Variants in TRDN observed in about 807,000 individuals in gnomAD.
The protein encoded by TRDN is triadin.
A neutral mutation model predicts 149.7 loss-of-function variants in TRDN; 161 were observed. That is an observed-to-expected ratio of 1.08 (90% CI 0.95 to 1.23). The LOEUF is 1.23. Among genes scored for constraint, TRDN ranks in the 50% most tolerant of loss-of-function variants. The pLI is 0.00. For synonymous variants in TRDN, 294 were observed against 250.5 expected (o/e 1.17, Z -1.64); for missense variants, 896 against 823.5 (o/e 1.09, Z -1.08).
At chr6:123,306,607 T>C (rs1415474702) in intron 24 of TRDN, among the ~76,000 whole-genome samples, 2 of 152,098 alleles carry the variant, frequency 1.3e-5, no homozygotes, top group African/African-American at 2.4e-5. Flanking sequence ...GCTTCCGAGA[T>C]AACTTGCTGC....
chr6:123,606,245 TTAATA>T (rs10583284), intron 1 of TRDN, among the ~76,000 whole-genome samples: 41,439 of 151,734 alleles, frequency 0.27, 5,949 homozygotes, highest in East Asian at 0.6. Context: ...CATATTATTT[TTAATA>T]TAATCTGAAA....
chr6:123,364,602 C>T (rs564763841), intron 20 of TRDN, among the ~76,000 whole-genome samples: 1 of 152,212 alleles, frequency 6.6e-6, no homozygotes, highest in East Asian at 1.9e-4. Context: ...GAGCCGAGAT[C>T]GTGCCACTGC....
Position 123,583,278 on chromosome 6 carries a change from G to C in TRDN, c.23-12146C>G, listed in dbSNP as rs191690122. Among the ~76,000 whole-genome samples, 99 of 152,180 alleles carry C rather than the reference G, an allele frequency of 6.5e-4. 1 individual carries two copies. In the East Asian group the frequency reaches 0.017, roughly 27 times the overall value. ...AGAACGGTGAATAGGAGTATGACTA[G>C]ACAGAAGATAGTAGGGATGACAAGT... On this transcript the variant is annotated intron_variant, in intron 1 of 40. Coordinates refer to ENST00000334268, the MANE Select transcript of TRDN (RefSeq NM_006073.4).
At chr6:123,236,873 T>TTA (rs1225246560) in intron 38 of TRDN, among the ~76,000 whole-genome samples, 1 of 147,460 alleles carries the variant, frequency 6.8e-6, no homozygotes, top group Non-Finnish European at 1.5e-5. Context: ...GGTAATATGA[T>TTA]TATTCCAAAT....
At chr6:123,425,989 C>T (rs901354512) in intron 12 of TRDN, among the ~76,000 whole-genome samples, 1 of 152,032 alleles carries the variant, frequency 6.6e-6, no homozygotes, top group Admixed American at 6.6e-5. Context: ...CCTTAGAAAT[C>T]AAAATGAATT....
chr6:123,460,909 A>G (rs1187926436), intron 10 of TRDN, among the ~76,000 whole-genome samples: 3 of 152,116 alleles, frequency 2.0e-5, no homozygotes, highest in Non-Finnish European at 4.4e-5. Flanking sequence ...TTTATATCTC[A>G]TCTTCCTCCT....
intron 19 of TRDN, among the ~76,000 whole-genome samples, chr6:123,371,573 G>C (rs1781328450): frequency 6.6e-6 from 1 of 152,006 alleles, no homozygotes; most frequent in Admixed American, 6.6e-5. Context: ...ATTTATTTCT[G>C]GTTTCCCATT....
chr6:123,318,031 GAT>G (rs1779096714), intron 23 of TRDN, among the ~76,000 whole-genome samples: 1 of 151,912 alleles, frequency 6.6e-6, no homozygotes, highest in African/African-American at 2.4e-5. Flanking sequence ...ACAATTCAAT[GAT>G]ACCTTCAATT....
rs374832854 is a variant in TRDN at position 123,381,357 on chromosome 6, T to A, written c.1186+13A>T. ...AAAAAAAGTACACAAATACACTGCATGCATTTCCTTACTTTTTCCCTTGGG... is the reference window on the plus strand; with the variant it reads ...AAAAAAAGTACACAAATACACTGCAAGCATTTCCTTACTTTTTCCCTTGGG... On this transcript the variant is annotated intron_variant, in intron 16 of 40. Coordinates refer to ENST00000334268, the MANE Select transcript of TRDN (RefSeq NM_006073.4). 209 of 1,553,420 alleles carry A rather than the reference T, an allele frequency of 1.3e-4. No individual in the cohort carries two copies. Among genetic ancestry groups the A allele is most frequent in the Admixed American group, 2.1e-4 (11 of 51,794 alleles).
Position 123,366,631 on chromosome 6 carries a change from C to T in TRDN, c.1274-449G>A, listed in dbSNP as rs935447025. Among the ~76,000 whole-genome samples, 5 of 152,082 alleles carry T rather than the reference C, an allele frequency of 3.3e-5. No individual in the cohort carries two copies. The East Asian group carries it at 5.8e-4, about 18-fold the overall frequency. The stretch of plus-strand genomic sequence containing the variant: ...CTCCCAGGTTCAAGCAATTCCCCTG[C>T]CCCAGCCTCCCGAGTAGCTGGGACT... On this transcript the variant is annotated intron_variant, in intron 19 of 40. Coordinates refer to ENST00000334268, the MANE Select transcript of TRDN (RefSeq NM_006073.4).
At chr6:123,299,809 T>C (rs1778338479) in intron 24 of TRDN, among the ~76,000 whole-genome samples, 1 of 152,106 alleles carries the variant, frequency 6.6e-6, no homozygotes, top group Middle Eastern at 3.4e-3. Flanking sequence ...TATATAAGCA[T>C]AGTTGGATGA....
intron 1 of TRDN, among the ~76,000 whole-genome samples, chr6:123,627,083 C>G (rs1785712960): frequency 6.6e-6 from 1 of 151,870 alleles, no homozygotes; most frequent in Non-Finnish European, 1.5e-5. Context: ...TGCCTGCCAC[C>G]ACGCCCAGCT....
intron 12 of TRDN, among the ~76,000 whole-genome samples, chr6:123,417,002 C>T (rs1041379162): frequency 6.6e-6 from 1 of 152,164 alleles, no homozygotes; most frequent in Non-Finnish European, 1.5e-5. Context: ...CACGCCCAGC[C>T]ACCATTATTC....
chr6:123,578,869 C>T (rs1474238629), intron 1 of TRDN, among the ~76,000 whole-genome samples: 2 of 152,054 alleles, frequency 1.3e-5, no homozygotes, highest in East Asian at 1.9e-4. Context: ...TTTTACCTCC[C>T]TGGTTACATG....
chr6:123,314,180 TG>T (rs1199873824), intron 24 of TRDN, among the ~76,000 whole-genome samples: 3 of 151,924 alleles, frequency 2.0e-5, no homozygotes, highest in Non-Finnish European at 4.4e-5. Flanking sequence ...CATTAAAAAG[TG>T]GGCAAAATAC....
At chr6:123,491,771 T>C (rs370572360) in intron 9 of TRDN, among the ~76,000 whole-genome samples, 2 of 152,210 alleles carry the variant, frequency 1.3e-5, no homozygotes, top group South Asian at 4.1e-4. Context: ...ACTTTTGTTG[T>C]GTGAAAATAA....
intron 15 of TRDN, 71 bp from the exon 16 acceptor site, chr6:123,381,461 T>C: frequency 7.1e-7 from 1 of 1,417,916 alleles, no homozygotes; most frequent in South Asian, 1.3e-5. Context: ...TACATATTGA[T>C]TAGACTGTAA....
intron 9 of TRDN, chr6:123,489,395 C>T (rs1431656019): frequency 1.3e-5 from 2 of 152,014 alleles, no homozygotes; most frequent in Non-Finnish European, 2.9e-5. Flanking sequence ...CATTGGTTCT[C>T]ATTACACTAT....
chr6:123,364,956 A>G (rs1301227559), intron 20 of TRDN, among the ~76,000 whole-genome samples: 3 of 152,234 alleles, frequency 2.0e-5, no homozygotes, highest in Non-Finnish European at 4.4e-5. Context: ...AGCAATGTCA[A>G]TTCCAGAATA....
Sources: gnomAD v4.1 joint callset for allele counts (sites outside exome capture counted in the v4.1 genomes callset) on GRCh38, gnomAD v4.1.1 for gene constraint, MANE v1.5 for transcripts, NCBI Gene and HGNC (gene_info 2026-07-23, HGNC 2026-07-21) for gene names.